Variants in CLASP1 observed in about 807,000 individuals in gnomAD.
The protein encoded by CLASP1 is cytoplasmic linker associated protein 1, also known as CLIP-associating protein 1.
CLASP1 carries 38 observed loss-of-function variants against 192.3 expected under a neutral mutation model. The observed-to-expected ratio is 0.20, with a 90% CI of 0.15 to 0.26. The LOEUF is 0.26. Ranked by LOEUF, CLASP1 falls within the 10% of genes least tolerant of loss-of-function variation. The probability of loss-of-function intolerance (pLI) is 1.00; values close to 1 mark genes in which losing one functional copy is unlikely to be tolerated. For missense variants in CLASP1, 1,433 were observed against 1,932.5 expected, an observed-to-expected ratio of 0.74 and a Z score of 4.85; for synonymous variants, 691 against 712.8, an observed-to-expected ratio of 0.97 and a Z score of 0.49.
chr2:121,360,189 T>C (rs2066105931), intron 37 of CLASP1, among the ~76,000 whole-genome samples: 1 of 152,210 alleles, frequency 6.6e-6, no homozygotes, highest in Admixed American at 6.5e-5. Flanking sequence ...CATGTTAACC[T>C]GCCGAGTCTT....
chr2:121,386,071 A>T (rs575210117), intron 32 of CLASP1, among the ~76,000 whole-genome samples: 1 of 152,236 alleles, frequency 6.6e-6, no homozygotes, highest in Non-Finnish European at 1.5e-5. Flanking sequence ...AGAGGAAAAC[A>T]CAAATTTCTT....
At chr2:121,452,172 T>C (rs998010390) in intron 14 of CLASP1, among the ~76,000 whole-genome samples, 5 of 152,200 alleles carry the variant, frequency 3.3e-5, no homozygotes, top group Non-Finnish European at 5.9e-5. Flanking sequence ...CTAAGTAATA[T>C]GTTAATAGAG....
chr2:121,572,075 C>T (rs1317257050), intron 2 of CLASP1, among the ~76,000 whole-genome samples: 1 of 152,042 alleles, frequency 6.6e-6, no homozygotes, highest in Non-Finnish European at 1.5e-5. Context: ...CATCTGATTC[C>T]TATAGCAGAG....
chr2:121,406,978 G>C (rs2077005736), intron 25 of CLASP1, among the ~76,000 whole-genome samples: 1 of 152,214 alleles, frequency 6.6e-6, no homozygotes, highest in South Asian at 2.1e-4. Flanking sequence ...AGCACTTTGG[G>C]GGGCAAAGGC....
chr2:121,530,284 G>T, exon 3 of CLASP1: 2 of 1,552,376 alleles, frequency 1.3e-6, no homozygotes, highest in Non-Finnish European at 1.7e-6. Context: ...CCTGCAGCCG[G>T]GTCACCAGGG....
At chr2:121,633,757 A>G (rs1205792459) in intron 1 of CLASP1, among the ~76,000 whole-genome samples, 2 of 152,154 alleles carry the variant, frequency 1.3e-5, no homozygotes, top group Non-Finnish European at 2.9e-5. Flanking sequence ...CTGTAATCCC[A>G]GCACTTTCGG....
At chr2:121,586,107 T>C (rs2061687463) in intron 2 of CLASP1, among the ~76,000 whole-genome samples, 1 of 152,092 alleles carries the variant, frequency 6.6e-6, no homozygotes, top group South Asian at 2.1e-4. Flanking sequence ...GACATGTACT[T>C]TGACGTTTTT....
intron 9 of CLASP1, among the ~76,000 whole-genome samples, chr2:121,463,306 T>A (rs1426559772): frequency 6.6e-6 from 1 of 152,220 alleles, no homozygotes; most frequent in Non-Finnish European, 1.5e-5. Context: ...ATTAATGATT[T>A]ACATGGATTA....
At chr2:121,502,327 A>C (rs754397357) in intron 8 of CLASP1, among the ~76,000 whole-genome samples, 4 of 152,218 alleles carry the variant, frequency 2.6e-5, no homozygotes, top group Non-Finnish European at 5.9e-5. Flanking sequence ...ATGAGTAAAC[A>C]CATATTTTTC....
intron 37 of CLASP1, among the ~76,000 whole-genome samples, chr2:121,358,832 G>A (rs948464173): frequency 2.0e-5 from 3 of 152,232 alleles, no homozygotes; most frequent in African/African-American, 7.2e-5. Context: ...GGATTCTGGT[G>A]CCTTAAACAC....
intron 2 of CLASP1, among the ~76,000 whole-genome samples, chr2:121,554,718 T>C (rs958897862): frequency 6.6e-6 from 1 of 152,150 alleles, no homozygotes; most frequent in African/African-American, 2.4e-5. Context: ...AGACACACCA[T>C]TGCCTAGAGC....
chr2:121,443,700 A>C (rs1465395887), intron 19 of CLASP1, among the ~76,000 whole-genome samples: 1 of 152,212 alleles, frequency 6.6e-6, no homozygotes, highest in Non-Finnish European at 1.5e-5. Flanking sequence ...TTAGAAATTC[A>C]GATTCTCTAG....
chr2:121,541,431 T>C (rs2095231235), intron 2 of CLASP1, among the ~76,000 whole-genome samples: 1 of 152,196 alleles, frequency 6.6e-6, no homozygotes, highest in Non-Finnish European at 1.5e-5. Context: ...AAAAGACTTA[T>C]CCAGGGTTGT....
intron 2 of CLASP1, among the ~76,000 whole-genome samples, chr2:121,565,191 GC>G (rs2059399677): frequency 6.6e-6 from 1 of 152,170 alleles, no homozygotes; most frequent in African/African-American, 2.4e-5. Flanking sequence ...AGGACAAGAG[GC>G]ATGAACAGGG....
chr2:121,609,919 CAG>C (rs1329564095), intron 1 of CLASP1, among the ~76,000 whole-genome samples: 1 of 152,112 alleles, frequency 6.6e-6, no homozygotes, highest in East Asian at 1.9e-4. Flanking sequence ...AGCCTGGCAA[CAG>C]AGAGAGACTT....
chr2:121,498,796 G>A (rs780003126), intron 8 of CLASP1, among the ~76,000 whole-genome samples: 1 of 152,074 alleles, frequency 6.6e-6, no homozygotes, highest in Non-Finnish European at 1.5e-5. Flanking sequence ...TATTTAAAGG[G>A]CTAATAAGCA....
intron 26 of CLASP1, chr2:121,402,770 C>A: frequency 2.3e-6 from 1 of 427,252 alleles, no homozygotes; most frequent in Non-Finnish European, 4.6e-6. Context: ...AATCTTACTG[C>A]TTTTACCACT....
At chr2:121,482,769 C>T (rs1176479408) in intron 8 of CLASP1, among the ~76,000 whole-genome samples, 1 of 152,188 alleles carries the variant, frequency 6.6e-6, no homozygotes, top group African/African-American at 2.4e-5. Context: ...CTCAATTCTC[C>T]ATAGAAACGT....
chr2:121,617,771 G>T (rs942276069), intron 1 of CLASP1, among the ~76,000 whole-genome samples: 1 of 152,122 alleles, frequency 6.6e-6, no homozygotes, highest in African/African-American at 2.4e-5. Context: ...GGTGGGCTCA[G>T]TCCAATGCCT....
Sources: gnomAD v4.1 joint callset for allele counts (sites outside exome capture counted in the v4.1 genomes callset) on GRCh38, gnomAD v4.1.1 for gene constraint, MANE v1.5 for transcripts, NCBI Gene and HGNC (gene_info 2026-07-23, HGNC 2026-07-21) for gene names.